The following NT5M variants were observed in gnomAD, a reference collection of about 807,000 sequenced individuals.
NT5M encodes the protein 5'(3')-deoxyribonucleotidase, mitochondrial.
NT5M carries 22 observed loss-of-function variants against 22.2 expected under a neutral mutation model. The observed-to-expected ratio is 0.99, with a 90% CI of 0.71 to 1.41. NT5M has a LOEUF of 1.41. Among genes scored for constraint, NT5M ranks in the 40% most tolerant of loss-of-function variants. The pLI, the probability that NT5M is intolerant of heterozygous loss-of-function variation, is 0.00. For synonymous variants in NT5M, 167 were observed against 133.0 expected (o/e 1.26, Z -1.76); for missense variants, 322 against 314.8 (o/e 1.02, Z -0.17).
rs1157607451 is a variant in NT5M, at chr17:17,344,928, T to C, written c.544+20T>C. ...TCACAGGCAAGTGGCCTGCGACAGG[T>C]GAGGAGCACGTGGGGAGGGCCCCAG... On this transcript the variant is annotated intron_variant, in intron 4 of 4. Transcript: ENST00000389022. The C allele has an allele frequency of 1.2e-6, 2 of 1,613,718 alleles. No individual in the cohort carries two copies. Among genetic ancestry groups the C allele is most frequent in the East Asian group, 2.2e-5 (1 of 44,892 alleles).
At position 17,347,003 on chromosome 17, in the gene NT5M, G is replaced by C. The variant is rs748573821; in HGVS notation, c.*56G>C. ...GCTCTGACCTCAGGGCTCCCAGCTC[G>C]GGGCCTGTGGGGCCAGTATGCTGGT... On this transcript the variant is annotated 3_prime_UTR_variant, in exon 5 of 5. Coordinates refer to ENST00000389022, the MANE Select transcript of NT5M (RefSeq NM_020201.4). 2 of 1,584,374 alleles carry C rather than the reference G, an allele frequency of 1.3e-6. No homozygotes were observed. The highest frequency in any genetic ancestry group is 1.3e-5 in the African/African-American group (1 of 74,512).
At chr17:17,317,833 G>A (rs2049063297) in intron 2 of NT5M, among the ~76,000 whole-genome samples, 1 of 151,964 alleles carries the variant, frequency 6.6e-6, no homozygotes, top group South Asian at 2.1e-4. Context: ...CATGGTGGCA[G>A]GCACCTGTAA....
At chr17:17,306,019 A>G (rs2048793088) in intron 1 of NT5M, among the ~76,000 whole-genome samples, 1 of 152,164 alleles carries the variant, frequency 6.6e-6, no homozygotes. Context: ...ACCTCAACAT[A>G]TAAAACCGAT....
At chr17:17,305,105 G>A (rs1321759859) in intron 1 of NT5M, among the ~76,000 whole-genome samples, 2 of 152,062 alleles carry the variant, frequency 1.3e-5, no homozygotes, top group African/African-American at 4.8e-5. Flanking sequence ...CTCGGCATGG[G>A]GAGTCTGGAC....
chr17:17,303,561 T>A lies in NT5M; in HGVS notation c.11T>A (p.Leu4Gln). The A allele has an allele frequency of 9.1e-7, 1 of 1,096,630 alleles. No individual in the cohort carries two copies. Among genetic ancestry groups the A allele is most frequent in the Non-Finnish European group, 1.1e-6 (1 of 900,542 alleles). The allele number at this position is 1,096,630 out of a possible 1,614,324, so 67.9% of individuals were successfully genotyped here. Residue 4 changes from leucine (L) to glutamine (Q), a missense_variant, in exon 1 of 5, where the codon CTG becomes CAG. Transcript: ENST00000389022. ...CCAGCGCGCTGGGCCATGATCCGGC[T>A]GGGCGGCTGGTGTGCGCGGCGGCTC... MIR[L>Q]GGWCARRLCS...
chr17:17,334,408 G>A (rs1036093781), intron 3 of NT5M, among the ~76,000 whole-genome samples: 1 of 150,892 alleles, frequency 6.6e-6, no homozygotes, highest in Non-Finnish European at 1.5e-5. Context: ...GTCCATTTCT[G>A]GAATGTATCC....
At chr17:17,312,396 C>G (rs1282949472) in intron 2 of NT5M, among the ~76,000 whole-genome samples, 5 of 152,096 alleles carry the variant, frequency 3.3e-5, no homozygotes, top group Non-Finnish European at 7.4e-5. Flanking sequence ...AATCCCAGCA[C>G]TTTGGGAGGC....
intron 2 of NT5M, among the ~76,000 whole-genome samples, chr17:17,310,234 A>G (rs1205976327): frequency 6.6e-6 from 1 of 152,214 alleles, no homozygotes; most frequent in Non-Finnish European, 1.5e-5. Flanking sequence ...TCTAGAATAT[A>G]TAAAGAACTC....
intron 1 of NT5M, among the ~76,000 whole-genome samples, chr17:17,305,107 A>G (rs2048766352): frequency 6.6e-6 from 1 of 152,006 alleles, no homozygotes; most frequent in Admixed American, 6.6e-5. Flanking sequence ...CGGCATGGGG[A>G]GTCTGGACAC....
chr17:17,347,595 A>T lies in NT5M; in HGVS notation c.*648A>T, dbSNP rs1415081435. Reference sequence around the variant, plus strand: ...CCCAGGGCCCCGCTCAGGGCCCAGCAGAGAGTCCGTAGGCTTGAACATGTG... The same window carrying T: ...CCCAGGGCCCCGCTCAGGGCCCAGCTGAGAGTCCGTAGGCTTGAACATGTG... On this transcript the variant is annotated 3_prime_UTR_variant, in exon 5 of 5. Coordinates refer to ENST00000389022, the MANE Select transcript of NT5M (RefSeq NM_020201.4). 1 of 152,884 alleles carries T rather than the reference A, an allele frequency of 6.5e-6. No homozygotes were observed. Among genetic ancestry groups the T allele is most frequent in the African/African-American group, 2.4e-5 (1 of 41,472 alleles). 9.5% of individuals were successfully genotyped at this position (152,884 alleles called of 1,614,324 possible).
chr17:17,304,412 G>T, intron 1 of NT5M: 5 of 985,360 alleles, frequency 5.1e-6, no homozygotes, highest in Non-Finnish European at 4.8e-6. Flanking sequence ...TCCGACTCCC[G>T]AGGTGTTCTG....
At chr17:17,325,131 A>G (rs1222995198) in intron 3 of NT5M, among the ~76,000 whole-genome samples, 1 of 152,150 alleles carries the variant, frequency 6.6e-6, no homozygotes, top group Non-Finnish European at 1.5e-5. Context: ...TACACCCTCA[A>G]GTTTAAGGAT....
At chr17:17,318,856 C>T (rs958981664) in intron 2 of NT5M, among the ~76,000 whole-genome samples, 5 of 138,902 alleles carry the variant, frequency 3.6e-5, no homozygotes, top group South Asian at 2.3e-4. Context: ...ACCTTGAAAA[C>T]ATGATACTGA....
intron 2 of NT5M, among the ~76,000 whole-genome samples, chr17:17,320,809 C>T (rs1489904134): frequency 2.6e-5 from 4 of 152,038 alleles, no homozygotes; most frequent in African/African-American, 4.8e-5. Context: ...AGGCCAGGAG[C>T]GCAGGCTAGG....
chr17:17,316,935 C>A (rs1473417869), intron 2 of NT5M, among the ~76,000 whole-genome samples: 1 of 145,852 alleles, frequency 6.9e-6, no homozygotes, highest in African/African-American at 2.5e-5. Flanking sequence ...TGGATGGTCT[C>A]GATCTCCTGA....
At chr17:17,306,690 C>G (rs1287480699) in intron 2 of NT5M, 47 bp downstream of exon 2, 1 of 1,295,032 alleles carries the variant, frequency 7.7e-7, no homozygotes, top group Non-Finnish European at 1.1e-6. Context: ...TGAGCAGCCA[C>G]TGAGCCCTGT....
Position 17,306,769 on chromosome 17 carries a change from C to G in NT5M, c.368+126C>G, listed in dbSNP as rs1331250287. On this transcript the variant is annotated intron_variant, in intron 2 of 4. Coordinates refer to ENST00000389022, the MANE Select transcript of NT5M (RefSeq NM_020201.4). Reference sequence around the variant, plus strand: ...CTCCTTGGCCCTGCGCAAGGCTGCACTTGCCTCGTCATTGCTGAGCCTGGG... The same window carrying G: ...CTCCTTGGCCCTGCGCAAGGCTGCAGTTGCCTCGTCATTGCTGAGCCTGGG... 11 of 684,710 alleles carry G rather than the reference C, an allele frequency of 1.6e-5. No homozygotes were observed. In the Admixed American group the frequency reaches 1.8e-4, roughly 11 times the overall value. The allele number at this position is 684,710 out of a possible 1,614,324, so 42.4% of individuals were successfully genotyped here.
chr17:17,330,742 CTTTTT>C (rs58633073), intron 3 of NT5M, among the ~76,000 whole-genome samples: 1 of 118,720 alleles, frequency 8.4e-6, no homozygotes, highest in African/African-American at 3.3e-5. Flanking sequence ...TTCTTTCTTT[CTTTTT>C]TTTTTTTTTT....
At chr17:17,335,052 GTACCAC>G (rs2049477047) in intron 3 of NT5M, among the ~76,000 whole-genome samples, 1 of 150,462 alleles carries the variant, frequency 6.6e-6, no homozygotes, top group Non-Finnish European at 1.5e-5. Context: ...AGCTTTCAGT[GTACCAC>G]TCTTGCACAT....
Sources: allele counts gnomAD v4.1 joint callset (sites outside exome capture counted in the v4.1 genomes callset), GRCh38; gene constraint gnomAD v4.1.1; transcripts MANE v1.5; gene names NCBI Gene and HGNC (gene_info 2026-07-23, HGNC 2026-07-21).